SND1: variants seen among roughly 807,000 people sequenced by gnomAD.
SND1 encodes the protein staphylococcal nuclease and tudor domain containing 1.
SND1 carries 38 observed loss-of-function variants against 121.7 expected under a neutral mutation model. That is an observed-to-expected ratio of 0.31 (90% confidence interval 0.24 to 0.41). SND1 has a LOEUF of 0.41. Ranked by LOEUF, SND1 falls within the 10% of genes least tolerant of loss-of-function variation. The probability of loss-of-function intolerance (pLI) is 1.00; values close to 1 mark genes in which losing one functional copy is unlikely to be tolerated. For missense variants in SND1, 868 were observed against 1,184.6 expected, an observed-to-expected ratio of 0.73 and a Z score of 3.92; for synonymous variants, 401 against 447.4, an observed-to-expected ratio of 0.90 and a Z score of 1.31.
chr7:127,900,121 G>C (rs952254608), intron 13 of SND1, among the ~76,000 whole-genome samples: 7 of 152,104 alleles, frequency 4.6e-5, no homozygotes, highest in Non-Finnish European at 8.8e-5. Context: ...GAAAGCTCCT[G>C]CTCCCTCAGA....
chr7:127,856,270 A>C (rs967430133), intron 12 of SND1, among the ~76,000 whole-genome samples: 1 of 152,202 alleles, frequency 6.6e-6, no homozygotes, highest in Non-Finnish European at 1.5e-5. Flanking sequence ...CTAGCCAGCT[A>C]CTTCCCTGGG....
chr7:127,904,291 A>C (rs1800290553), intron 13 of SND1: 1 of 155,220 alleles, frequency 6.4e-6, no homozygotes, highest in Non-Finnish European at 1.4e-5. Flanking sequence ...CATTCAGGGC[A>C]ACTTATCTTT....
intron 10 of SND1, among the ~76,000 whole-genome samples, chr7:127,758,137 G>A (rs2116470347): frequency 6.6e-6 from 1 of 152,340 alleles, no homozygotes. Flanking sequence ...TAGTTGCCAT[G>A]TTATTGTGAA....
At chr7:127,974,056 G>T (rs1243433629) in intron 15 of SND1, among the ~76,000 whole-genome samples, 3 of 152,208 alleles carry the variant, frequency 2.0e-5, no homozygotes, top group Non-Finnish European at 4.4e-5. Context: ...CTTCCAGCAA[G>T]CTAGGTGGCT....
At chr7:127,898,503 A>G (rs539062550) in intron 13 of SND1, among the ~76,000 whole-genome samples, 13 of 152,248 alleles carry the variant, frequency 8.5e-5, no homozygotes, top group African/African-American at 2.6e-4. Flanking sequence ...ACCAGGAGAA[A>G]GGCCGAAGGA....
At chr7:127,839,898 C>G (rs1306150354) in intron 11 of SND1, among the ~76,000 whole-genome samples, 1 of 152,188 alleles carries the variant, frequency 6.6e-6, no homozygotes, top group Non-Finnish European at 1.5e-5. Flanking sequence ...CCTCCCTATC[C>G]TCCACGGTTT....
intron 10 of SND1, among the ~76,000 whole-genome samples, chr7:127,727,244 T>C (rs1372489501): frequency 6.6e-6 from 1 of 152,230 alleles, no homozygotes; most frequent in Non-Finnish European, 1.5e-5. Flanking sequence ...CGCCTGGCTC[T>C]CCAGGGCAGG....
Position 127,997,044 on chromosome 7 carries a change from G to T in SND1, c.1779+5988G>T, listed in dbSNP as rs568996896. On this transcript the variant is annotated intron_variant, in intron 16 of 23. Coordinates refer to ENST00000354725, the MANE Select transcript of SND1 (RefSeq NM_014390.4). ...TATAGCATTTTCTCATTTTAAAAGT[G>T]TTTTCATGCATAATGTTTCATTTTA... Among the ~76,000 whole-genome samples the T allele has an allele frequency of 1.3e-5, 2 of 152,292 alleles. 1 individual carries two copies. Among genetic ancestry groups the T allele is most frequent in the South Asian group, 4.1e-4 (2 of 4,826 alleles).
chr7:127,701,373 T>A (rs560028535), intron 5 of SND1, 50 bp downstream of exon 5: 1 of 1,562,774 alleles, frequency 6.4e-7, no homozygotes, highest in African/African-American at 1.4e-5. Flanking sequence ...TTTCTTTCTG[T>A]TTGCACTCTT....
At chr7:127,901,615 T>G (rs2116759532) in intron 13 of SND1, among the ~76,000 whole-genome samples, 1 of 152,224 alleles carries the variant, frequency 6.6e-6, no homozygotes, top group Admixed American at 6.5e-5. Flanking sequence ...GAGGCTAGAG[T>G]GCTTCCTGGG....
intron 12 of SND1, among the ~76,000 whole-genome samples, chr7:127,846,995 C>T (rs1336838213): frequency 2.0e-5 from 3 of 151,830 alleles, no homozygotes; most frequent in African/African-American, 4.8e-5. Context: ...TGGCCAGGCG[C>T]GATGGCTCAT....
At chr7:127,699,525 A>C (rs186008382) in intron 4 of SND1, among the ~76,000 whole-genome samples, 28 of 152,308 alleles carry the variant, frequency 1.8e-4, no homozygotes, top group African/African-American at 6.0e-4. Flanking sequence ...ATATCTCTTC[A>C]AAGTCTTTCA....
intron 16 of SND1, among the ~76,000 whole-genome samples, chr7:128,062,610 G>A (rs369544033): frequency 6.6e-6 from 1 of 152,218 alleles, no homozygotes; most frequent in Admixed American, 6.5e-5. Context: ...TCAGTTATCT[G>A]TTCAAACAGA....
intron 16 of SND1, chr7:128,030,721 C>G: frequency 2.0e-6 from 3 of 1,468,730 alleles, no homozygotes; most frequent in Non-Finnish European, 2.7e-6. Flanking sequence ...CTTAAGTGAG[C>G]TAGGAGCTCC....
At chr7:127,947,681 T>G (rs1202824453) in intron 15 of SND1, among the ~76,000 whole-genome samples, 1 of 152,156 alleles carries the variant, frequency 6.6e-6, no homozygotes, top group Non-Finnish European at 1.5e-5. Context: ...AGGAAGACTC[T>G]TATTTTTTTC....
At chr7:127,737,429 G>C (rs533127301) in intron 10 of SND1, among the ~76,000 whole-genome samples, 34 of 152,340 alleles carry the variant, frequency 2.2e-4, no homozygotes, top group African/African-American at 7.9e-4. Flanking sequence ...ACGAAAATTA[G>C]CTGGGTGTGG....
At chr7:127,890,604 A>T (rs1004731305) in intron 13 of SND1, among the ~76,000 whole-genome samples, 4 of 152,168 alleles carry the variant, frequency 2.6e-5, no homozygotes, top group African/African-American at 9.6e-5. Context: ...GAATATGTTA[A>T]TTCTGACAGG....
At chr7:128,084,913 T>A in intron 19 of SND1, 66 bp downstream of exon 19, 1 of 1,506,594 alleles carries the variant, frequency 6.6e-7, no homozygotes. Context: ...TCCTCAGGCC[T>A]CAGGTGTTGC....
At chr7:127,959,879 A>G (rs1229148443) in intron 15 of SND1, among the ~76,000 whole-genome samples, 1 of 152,222 alleles carries the variant, frequency 6.6e-6, no homozygotes, top group African/African-American at 2.4e-5. Context: ...TCTAGTAGCC[A>G]TGGTATTCCC....
Sources: allele counts gnomAD v4.1 joint callset (sites outside exome capture counted in the v4.1 genomes callset), GRCh38; gene constraint gnomAD v4.1.1; transcripts MANE v1.5; gene names NCBI Gene and HGNC (gene_info 2026-07-23, HGNC 2026-07-21).